ARHGAP18: variants seen among roughly 807,000 people sequenced by gnomAD.
The protein encoded by ARHGAP18 is rho GTPase-activating protein 18.
In ARHGAP18, 67 loss-of-function variants were observed where a neutral mutation model predicts 86.2. The observed-to-expected ratio is 0.78, with a 90% CI of 0.64 to 0.95. ARHGAP18 has a LOEUF of 0.95. Ranked by LOEUF, ARHGAP18 falls within the 40% of genes least tolerant of loss-of-function variation. The probability of loss-of-function intolerance (pLI) is 0.00; values close to 1 mark genes in which losing one functional copy is unlikely to be tolerated. For missense variants in ARHGAP18, 691 were observed against 780.4 expected, an observed-to-expected ratio of 0.89 and a Z score of 1.37; for synonymous variants, 283 against 280.4, an observed-to-expected ratio of 1.01 and a Z score of -0.09.
rs369007809 is a variant in ARHGAP18 at position 129,674,295 on chromosome 6, T to C, written c.114-32277A>G. Among the ~76,000 whole-genome samples the C allele has an allele frequency of 7.9e-5, 12 of 152,236 alleles. No individual in the cohort carries two copies. In the South Asian group the frequency reaches 1.4e-3, roughly 18 times the overall value. On this transcript the variant is annotated intron_variant, in intron 1 of 14. Transcript: ENST00000368149. ...CCATCATTAATTGTGAAATCTTGAA[T>C]GTCACTTAATCTTTCTGGCCTCCTT...
intron 1 of ARHGAP18, among the ~76,000 whole-genome samples, chr6:129,673,024 C>T (rs772129066): frequency 5.3e-5 from 8 of 152,236 alleles, no homozygotes; most frequent in Non-Finnish European, 1.2e-4. Flanking sequence ...AAAGCTGAAA[C>T]ATGGGTCTCT....
In ARHGAP18 at chr6:129,599,324, C is replaced by T; in HGVS notation, c.1605G>A (p.Lys535=). The T allele has an allele frequency of 6.3e-7, 1 of 1,585,334 alleles. No homozygotes were observed. Among genetic ancestry groups the T allele is most frequent in the East Asian group, 2.3e-5 (1 of 43,718 alleles). The part of the protein sequence containing the change: ...IPKFIVNQVR[K]QNTENHKKDK... Reference sequence around the variant, plus strand: ...CCTTTTTATGATTTTCCGTGTTTTGCTTCCTCACTTGGTTTACAATAAACT... The same window carrying T: ...CCTTTTTATGATTTTCCGTGTTTTGTTTCCTCACTTGGTTTACAATAAACT... The change falls in exon 12 of 15, where the codon AAG becomes AAA. Residue 535 remains lysine, a synonymous_variant. Transcript: ENST00000368149.
At chr6:129,684,196 T>C (rs928323220) in intron 1 of ARHGAP18, among the ~76,000 whole-genome samples, 5 of 151,930 alleles carry the variant, frequency 3.3e-5, no homozygotes, top group African/African-American at 9.7e-5. Context: ...GGAGAGGAAA[T>C]GATGCATGCG....
At chr6:129,659,550 C>T (rs1017365612) in intron 1 of ARHGAP18, among the ~76,000 whole-genome samples, 1 of 152,170 alleles carries the variant, frequency 6.6e-6, no homozygotes, top group African/African-American at 2.4e-5. Flanking sequence ...TTACTTCAAC[C>T]TCCACCTCCT....
chr6:129,685,772 TCCTCTTATTTTCC>T (rs755656608), intron 1 of ARHGAP18, among the ~76,000 whole-genome samples: 7 of 106,410 alleles, frequency 6.6e-5, no homozygotes, highest in Non-Finnish European at 1.2e-4. Context: ...CTCTCCCACT[TCCTCTTATTTTCC>T]CCTCTGATCT....
At chr6:129,625,018 T>G (rs1562695995) in intron 5 of ARHGAP18, among the ~76,000 whole-genome samples, 1 of 88,416 alleles carries the variant, frequency 1.1e-5, no homozygotes, top group Non-Finnish European at 2.2e-5. Context: ...ATATAATATA[T>G]ATGATATATG....
At chr6:129,650,044 C>T (rs1184991247) in intron 1 of ARHGAP18, among the ~76,000 whole-genome samples, 3 of 150,582 alleles carry the variant, frequency 2.0e-5, no homozygotes, top group African/African-American at 7.3e-5. Flanking sequence ...TCCCGAGTAG[C>T]TGGGATTACA....
At chr6:129,638,675 A>G (rs746496551) in intron 2 of ARHGAP18, 46 bp from the exon 3 acceptor site, 1 of 1,531,362 alleles carries the variant, frequency 6.5e-7, no homozygotes, top group Admixed American at 2.0e-5. Flanking sequence ...AAATATAACA[A>G]CCTTTACATT....
At chr6:129,652,666 T>G (rs1773739850) in intron 1 of ARHGAP18, among the ~76,000 whole-genome samples, 1 of 152,202 alleles carries the variant, frequency 6.6e-6, no homozygotes, top group African/African-American at 2.4e-5. Context: ...AGACTTAATA[T>G]GCTTCAAGAT....
chr6:129,649,912 T>TG (rs201898300), intron 1 of ARHGAP18, among the ~76,000 whole-genome samples: 96 of 129,730 alleles, frequency 7.4e-4, no homozygotes, highest in Middle Eastern at 4.0e-3. Context: ...TTCTTTTTTT[T>TG]TGTTTTTTTT....
intron 5 of ARHGAP18, 46 bp from the exon 6 acceptor site, chr6:129,618,898 C>G (rs764589553): frequency 6.5e-7 from 1 of 1,544,584 alleles, no homozygotes; most frequent in Admixed American, 1.9e-5. Flanking sequence ...AGTACCTAAC[C>G]TCCATTGTAA....
At chr6:129,598,941 GGTGTGT>G (rs71028166) in intron 12 of ARHGAP18, 3 of 212,504 alleles carry the variant, frequency 1.4e-5, no homozygotes, top group Non-Finnish European at 1.8e-5. Flanking sequence ...GGGGTGTAGG[GGTGTGT>G]GTGTGTGTGT....
intron 1 of ARHGAP18, among the ~76,000 whole-genome samples, chr6:129,702,210 T>G (rs1482939532): frequency 6.6e-6 from 1 of 152,124 alleles, no homozygotes; most frequent in Admixed American, 6.5e-5. Context: ...GTCACACGGG[T>G]CTCCATGGTT....
At chr6:129,593,607 C>T (rs922784171) in intron 12 of ARHGAP18, among the ~76,000 whole-genome samples, 5 of 152,134 alleles carry the variant, frequency 3.3e-5, no homozygotes, top group East Asian at 1.9e-4. Flanking sequence ...CACACTCACT[C>T]GTGGCAGAGC....
intron 1 of ARHGAP18, among the ~76,000 whole-genome samples, chr6:129,684,199 T>C (rs1446326109): frequency 6.6e-6 from 1 of 152,280 alleles, no homozygotes; most frequent in East Asian, 1.9e-4. Flanking sequence ...GAGGAAATGA[T>C]GCATGCGATA....
chr6:129,630,593 G>A (rs1173055572), intron 4 of ARHGAP18, among the ~76,000 whole-genome samples: 1 of 152,160 alleles, frequency 6.6e-6, no homozygotes, highest in Non-Finnish European at 1.5e-5. Flanking sequence ...CTGCAGTTCA[G>A]AAAAATAATG....
At chr6:129,655,528 T>A (rs1184602407) in intron 1 of ARHGAP18, among the ~76,000 whole-genome samples, 1 of 151,668 alleles carries the variant, frequency 6.6e-6, no homozygotes, top group Non-Finnish European at 1.5e-5. Flanking sequence ...CTTGCCAGAA[T>A]AAGTCTACAG....
intron 1 of ARHGAP18, among the ~76,000 whole-genome samples, chr6:129,704,070 A>T (rs1253444493): frequency 1.3e-5 from 2 of 151,918 alleles, no homozygotes; most frequent in Admixed American, 1.3e-4. Context: ...TCCTGTGAAG[A>T]TTCATGTAAA....
chr6:129,693,184 T>G (rs1473939845), intron 1 of ARHGAP18, among the ~76,000 whole-genome samples: 1 of 152,206 alleles, frequency 6.6e-6, no homozygotes. Flanking sequence ...AAAGTTCTCA[T>G]GCAACAGCAA....
Sources: gnomAD v4.1 joint callset for allele counts (sites outside exome capture counted in the v4.1 genomes callset) on GRCh38, gnomAD v4.1.1 for gene constraint, MANE v1.5 for transcripts, NCBI Gene and HGNC (gene_info 2026-07-23, HGNC 2026-07-21) for gene names.